The following ENTPD1 variants were observed in gnomAD, a reference collection of about 807,000 sequenced individuals.
ENTPD1 encodes ATP diphosphohydrolase.
In ENTPD1, 33 loss-of-function variants were observed where a neutral mutation model predicts 57.0. The observed-to-expected ratio is 0.58, with a 90% confidence interval of 0.44 to 0.77. The LOEUF is 0.77. Ranked by LOEUF, ENTPD1 falls within the 30% of genes least tolerant of loss-of-function variation. The probability of loss-of-function intolerance (pLI) is 0.00; values close to 1 mark genes in which losing one functional copy is unlikely to be tolerated. For missense variants in ENTPD1, 501 were observed against 603.4 expected, an observed-to-expected ratio of 0.83 and a Z score of 1.78; for synonymous variants, 202 against 218.8, an observed-to-expected ratio of 0.92 and a Z score of 0.68.
intron 7 of ENTPD1, among the ~76,000 whole-genome samples, chr10:95,856,828 A>G (rs1471329788): frequency 6.6e-6 from 1 of 150,506 alleles, no homozygotes; most frequent in Non-Finnish European, 1.5e-5. Context: ...TAGGTTATAT[A>G]TATACATATA....
intron 1 of ENTPD1, among the ~76,000 whole-genome samples, chr10:95,761,073 G>T (rs56747025): frequency 1.3e-5 from 2 of 151,772 alleles, no homozygotes; most frequent in Non-Finnish European, 2.9e-5. Context: ...CTCATGATCC[G>T]CCCGTCTCGG....
At chr10:95,720,147 T>A (rs563998011) in intron 1 of ENTPD1, among the ~76,000 whole-genome samples, 47 of 152,276 alleles carry the variant, frequency 3.1e-4, no homozygotes, top group African/African-American at 1.0e-3. Context: ...TTTGGAGTCC[T>A]TGTTGGGCCT....
At chr10:95,817,602 C>T (rs539248269) in intron 1 of ENTPD1, among the ~76,000 whole-genome samples, 1 of 152,328 alleles carries the variant, frequency 6.6e-6, no homozygotes, top group South Asian at 2.1e-4. Context: ...GTTCCTACTA[C>T]TCTCCCCTCA....
chr10:95,719,680 G>A (rs1328537981), intron 1 of ENTPD1, among the ~76,000 whole-genome samples: 2 of 152,234 alleles, frequency 1.3e-5, no homozygotes, highest in African/African-American at 4.8e-5. Context: ...ATGGCACAAG[G>A]TTTCTGAACG....
chr10:95,748,862 G>T (rs1350081270), intron 1 of ENTPD1, among the ~76,000 whole-genome samples: 2 of 151,974 alleles, frequency 1.3e-5, no homozygotes, highest in Non-Finnish European at 2.9e-5. Flanking sequence ...GATTGTTTTA[G>T]TCTAGTCTCC....
chr10:95,783,964 G>A (rs1174680028), intron 1 of ENTPD1, among the ~76,000 whole-genome samples: 1 of 152,114 alleles, frequency 6.6e-6, no homozygotes, highest in African/African-American at 2.4e-5. Flanking sequence ...AGGTGGGGGT[G>A]AAAGCGGGTA....
chr10:95,712,673 T>C (rs1256883878), intron 1 of ENTPD1, among the ~76,000 whole-genome samples: 1 of 152,160 alleles, frequency 6.6e-6, no homozygotes, highest in East Asian at 1.9e-4. Context: ...TTAACGGGTC[T>C]GTGACTGGTG....
chr10:95,776,605 T>C (rs925690104), intron 1 of ENTPD1, among the ~76,000 whole-genome samples: 1 of 152,194 alleles, frequency 6.6e-6, no homozygotes, highest in Non-Finnish European at 1.5e-5. Context: ...CTGACAATTA[T>C]GTGTCTTGGG....
chr10:95,724,578 A>G (rs1470040700), intron 1 of ENTPD1, among the ~76,000 whole-genome samples: 1 of 152,196 alleles, frequency 6.6e-6, no homozygotes, highest in East Asian at 1.9e-4. Context: ...GTTCAGCTCA[A>G]CTAGGACGAA....
chr10:95,717,693 C>T (rs1403788635), intron 1 of ENTPD1, among the ~76,000 whole-genome samples: 1 of 152,158 alleles, frequency 6.6e-6, no homozygotes, highest in Non-Finnish European at 1.5e-5. Context: ...CTCAGTACCC[C>T]CTCTCAACGG....
At position 95,877,136 on chromosome 10, in the gene ENTPD1, T is replaced by C. The variant is rs1472960462; in HGVS notation, c.*10753T>C. Among the ~76,000 whole-genome samples the C allele has an allele frequency of 6.6e-6, 1 of 152,230 alleles. No homozygotes were observed. Among genetic ancestry groups the C allele is most frequent in the Non-Finnish European group, 1.5e-5 (1 of 68,030 alleles). On this transcript the variant is annotated 3_prime_UTR_variant, in exon 10 of 10. Transcript: ENST00000371205. Reference sequence around the variant, plus strand: ...AGTAGAAAATCAATTGGTTATCTTATAGAGTCTCCTAGAATATTTCATTGG... The same window carrying C: ...AGTAGAAAATCAATTGGTTATCTTACAGAGTCTCCTAGAATATTTCATTGG...
intron 1 of ENTPD1, among the ~76,000 whole-genome samples, chr10:95,742,673 T>A (rs200731778): frequency 6.6e-6 from 1 of 152,214 alleles, no homozygotes; most frequent in African/African-American, 2.4e-5. Flanking sequence ...GAGTTAACTT[T>A]GCTTTGCTGG....
At chr10:95,740,260 G>A (rs1273658547) in intron 1 of ENTPD1, among the ~76,000 whole-genome samples, 2 of 152,066 alleles carry the variant, frequency 1.3e-5, no homozygotes, top group Non-Finnish European at 1.5e-5. Context: ...CGAATAGCTG[G>A]GACTACAGAC....
At chr10:95,842,206 A>T in intron 3 of ENTPD1, 138 bp from the exon 4 acceptor site, 1 of 776,386 alleles carries the variant, frequency 1.3e-6, no homozygotes, top group Non-Finnish European at 2.1e-6. Flanking sequence ...CCCTCTAAGT[A>T]CAATAACCTA....
At chr10:95,818,251 G>A (rs2098336828) in intron 1 of ENTPD1, among the ~76,000 whole-genome samples, 1 of 152,140 alleles carries the variant, frequency 6.6e-6, no homozygotes, top group African/African-American at 2.4e-5. Flanking sequence ...CAATGAACAA[G>A]CCAGAAAAAA....
intron 7 of ENTPD1, among the ~76,000 whole-genome samples, chr10:95,848,296 T>A (rs1733172249): frequency 6.6e-6 from 1 of 152,176 alleles, no homozygotes; most frequent in African/African-American, 2.4e-5. Context: ...GGTTTCCTGC[T>A]AGGGAACCCA....
At chr10:95,766,454 A>G (rs2098088710) in intron 1 of ENTPD1, among the ~76,000 whole-genome samples, 3 of 152,194 alleles carry the variant, frequency 2.0e-5, no homozygotes. Flanking sequence ...CAGTGCTTCA[A>G]ATAATAATGA....
chr10:95,756,400 G>A (rs1170764089), intron 1 of ENTPD1, 145 bp downstream of exon 1: 4 of 952,226 alleles, frequency 4.2e-6, no homozygotes, highest in Admixed American at 2.7e-5. Flanking sequence ...TCTGAGAGGA[G>A]GCAGAGAAAG....
chr10:95,809,331 G>A (rs1209912198), intron 1 of ENTPD1, among the ~76,000 whole-genome samples: 8 of 151,528 alleles, frequency 5.3e-5, no homozygotes, highest in African/African-American at 1.7e-4. Flanking sequence ...CCCAGATGGG[G>A]TGGCCGGGCA....
Sources: gnomAD v4.1 joint callset for allele counts (sites outside exome capture counted in the v4.1 genomes callset) on GRCh38, gnomAD v4.1.1 for gene constraint, MANE v1.5 for transcripts, NCBI Gene and HGNC (gene_info 2026-07-23, HGNC 2026-07-21) for gene names.